Variants in CNTNAP2 observed in about 807,000 individuals in gnomAD.
CNTNAP2 encodes the protein contactin-associated protein-like 2.
In CNTNAP2, 98 loss-of-function variants were observed where a neutral mutation model predicts 155.2. The ratio of observed to expected loss-of-function variants is 0.63; its 90% CI spans 0.54 to 0.75. The LOEUF (loss-of-function observed/expected upper bound fraction) is 0.75. CNTNAP2 is among the 30% of genes least tolerant of loss of function. The probability of loss-of-function intolerance (pLI) is 0.00; values close to 1 mark genes in which losing one functional copy is unlikely to be tolerated. For missense variants in CNTNAP2, 1,727 were observed against 1,688.1 expected (o/e 1.02, Z -0.40); for synonymous variants, 651 against 631.2 (o/e 1.03, Z -0.47).
At chr7:146,287,990 G>A (rs528847664) in intron 1 of CNTNAP2, among the ~76,000 whole-genome samples, 5 of 152,096 alleles carry the variant, frequency 3.3e-5, no homozygotes, top group East Asian at 1.9e-4. Context: ...TTAGAAAATC[G>A]ATTCCTATGC....
intron 13 of CNTNAP2, among the ~76,000 whole-genome samples, chr7:147,763,405 C>T (rs1261294745): frequency 1.3e-5 from 2 of 148,338 alleles, no homozygotes; most frequent in Non-Finnish European, 3.0e-5. Context: ...GAATACGATA[C>T]TTTACAAATT....
intron 14 of CNTNAP2, among the ~76,000 whole-genome samples, chr7:147,928,445 T>C (rs1037607513): frequency 6.6e-6 from 1 of 152,074 alleles, no homozygotes; most frequent in Non-Finnish European, 1.5e-5. Flanking sequence ...TAATCAGAAG[T>C]GTTAGGTTTT....
chr7:146,897,730 A>G (rs1048142252), intron 3 of CNTNAP2, among the ~76,000 whole-genome samples: 2 of 152,150 alleles, frequency 1.3e-5, no homozygotes, highest in African/African-American at 2.4e-5. Flanking sequence ...TAAAAAGTCA[A>G]TAGCCTACCA....
At chr7:148,326,665 G>T (rs935565668) in intron 21 of CNTNAP2, among the ~76,000 whole-genome samples, 5 of 152,102 alleles carry the variant, frequency 3.3e-5, no homozygotes, top group Non-Finnish European at 7.4e-5. Flanking sequence ...AGGAGATCGA[G>T]ACCATCTTGG....
At chr7:146,996,660 G>T (rs527956000) in intron 3 of CNTNAP2, among the ~76,000 whole-genome samples, 1 of 152,142 alleles carries the variant, frequency 6.6e-6, no homozygotes. Context: ...TGCAAACAAG[G>T]ATACTTTAAC....
chr7:146,537,336 T>A (rs1204192343), intron 1 of CNTNAP2, among the ~76,000 whole-genome samples: 1 of 152,090 alleles, frequency 6.6e-6, no homozygotes, highest in Admixed American at 6.6e-5. Context: ...AATGCCTATT[T>A]TAAAACATTA....
chr7:148,403,912 AT>A (rs1313429443), intron 22 of CNTNAP2, among the ~76,000 whole-genome samples: 4 of 152,234 alleles, frequency 2.6e-5, no homozygotes, highest in Admixed American at 2.0e-4. Flanking sequence ...ATGTATAAGG[AT>A]TCCTGACCTG....
At chr7:146,594,433 TACACACAC>T (rs4016062) in intron 1 of CNTNAP2, among the ~76,000 whole-genome samples, 1 of 149,458 alleles carries the variant, frequency 6.7e-6, no homozygotes, top group South Asian at 2.1e-4. Context: ...TACTAGTGTT[TACACACAC>T]ACACACACAC....
At chr7:148,159,696 G>A (rs892947970) in intron 17 of CNTNAP2, among the ~76,000 whole-genome samples, 11 of 152,158 alleles carry the variant, frequency 7.2e-5, no homozygotes, top group Non-Finnish European at 1.3e-4. Context: ...GAGTCATAGA[G>A]TATGTGTGTA....
chr7:146,321,594 T>C lies in CNTNAP2; in HGVS notation c.97+204621T>C, dbSNP rs1030764264. 2.6e-5 allele frequency among the ~76,000 whole-genome samples: 4 copies of C among 152,156 alleles called. No homozygotes were observed. The South Asian group carries it at 8.3e-4, about 32-fold the overall frequency. ...GCAAATAACAGTGGCTGCAGCCGCC[T>C]TAAAAACAGAAGAGAATGGAGTGTG... On this transcript the variant is annotated intron_variant, in intron 1 of 23. Transcript: ENST00000361727.
intron 17 of CNTNAP2, among the ~76,000 whole-genome samples, chr7:148,161,140 T>A (rs1304123157): frequency 6.6e-6 from 1 of 152,212 alleles, no homozygotes; most frequent in Non-Finnish European, 1.5e-5. Flanking sequence ...TTCTTATAGT[T>A]TGTCATTGTC....
chr7:146,739,359 G>A (rs1417634957), intron 1 of CNTNAP2, among the ~76,000 whole-genome samples: 2 of 151,680 alleles, frequency 1.3e-5, no homozygotes, highest in Non-Finnish European at 2.9e-5. Context: ...CATTTTCACT[G>A]GTCTCAAGAA....
intron 2 of CNTNAP2, among the ~76,000 whole-genome samples, chr7:146,826,387 C>G (rs1424657202): frequency 6.6e-6 from 1 of 152,108 alleles, no homozygotes; most frequent in East Asian, 1.9e-4. Context: ...GTAAACAGTT[C>G]CATTTAAATT....
At chr7:146,563,220 T>C (rs779876262) in intron 1 of CNTNAP2, among the ~76,000 whole-genome samples, 8 of 152,204 alleles carry the variant, frequency 5.3e-5, no homozygotes, top group Non-Finnish European at 7.4e-5. Context: ...ATATGACCAA[T>C]GCTGTCAATT....
chr7:146,508,762 T>C (rs1178937441), intron 1 of CNTNAP2, among the ~76,000 whole-genome samples: 1 of 152,222 alleles, frequency 6.6e-6, no homozygotes, highest in Non-Finnish European at 1.5e-5. Flanking sequence ...TTGGGCATTT[T>C]CTGGAATTGG....
chr7:148,098,452 A>G (rs1225038500), intron 15 of CNTNAP2, among the ~76,000 whole-genome samples: 2 of 148,330 alleles, frequency 1.3e-5, no homozygotes, highest in African/African-American at 5.0e-5. Flanking sequence ...CAGAAAAAAA[A>G]AAAAAAAAAA....
chr7:147,949,281 T>C (rs919703569), intron 14 of CNTNAP2, among the ~76,000 whole-genome samples: 1 of 151,756 alleles, frequency 6.6e-6, no homozygotes, highest in African/African-American at 2.4e-5. Context: ...AAATGGATCA[T>C]CATGAAAGTC....
intron 1 of CNTNAP2, among the ~76,000 whole-genome samples, chr7:146,486,885 G>C (rs577441053): frequency 2.0e-5 from 3 of 152,066 alleles, no homozygotes; most frequent in Non-Finnish European, 4.4e-5. Context: ...CCCTCACCTA[G>C]ATGCCAAGTG....
At chr7:148,201,981 T>C (rs1795377442) in intron 18 of CNTNAP2, among the ~76,000 whole-genome samples, 1 of 151,820 alleles carries the variant, frequency 6.6e-6, no homozygotes, top group Non-Finnish European at 1.5e-5. Flanking sequence ...AATGAATGAG[T>C]TGGGAAGAGA....
Sources: allele counts gnomAD v4.1 joint callset (sites outside exome capture counted in the v4.1 genomes callset), GRCh38; gene constraint gnomAD v4.1.1; transcripts MANE v1.5; gene names NCBI Gene and HGNC (gene_info 2026-07-23, HGNC 2026-07-21).